NRG3: variants seen among roughly 807,000 people sequenced by gnomAD.
The protein encoded by NRG3 is neuregulin 3.
Under a neutral mutation model 66.9 loss-of-function variants are expected in NRG3, and 31 were observed. That is an observed-to-expected ratio of 0.46 (90% confidence interval 0.35 to 0.63). The LOEUF (loss-of-function observed/expected upper bound fraction) is 0.63, where lower values mean the gene tolerates loss of function less well. Among genes scored for constraint, NRG3 ranks in the 20% least tolerant of loss-of-function variants. NRG3 has a pLI of 0.00. For missense variants in NRG3, 910 were observed against 878.9 expected (o/e 1.04, Z -0.45); for synonymous variants, 393 against 359.4 (o/e 1.09, Z -1.06).
intron 3 of NRG3, among the ~76,000 whole-genome samples, chr10:82,812,345 T>C (rs1477339525): frequency 1.3e-5 from 2 of 152,230 alleles, no homozygotes. Context: ...TTTTTTGTTT[T>C]GTTTTTCTTT....
chr10:82,036,771 A>C (rs1019906065), intron 1 of NRG3, among the ~76,000 whole-genome samples: 1 of 152,068 alleles, frequency 6.6e-6, no homozygotes. Context: ...CTTTACATCT[A>C]TAACTAAATT....
At chr10:82,502,823 A>G (rs1202620352) in intron 2 of NRG3, among the ~76,000 whole-genome samples, 1 of 152,210 alleles carries the variant, frequency 6.6e-6, no homozygotes, top group African/African-American at 2.4e-5. Context: ...TCTGTGGAGA[A>G]ACTACTTTTC....
At chr10:81,881,708 T>C (rs892932237) in intron 1 of NRG3, among the ~76,000 whole-genome samples, 7 of 152,234 alleles carry the variant, frequency 4.6e-5, no homozygotes, top group African/African-American at 1.4e-4. Context: ...ATAAAACTTT[T>C]AATCACTACA....
At chr10:81,962,315 C>T (rs1398133962) in intron 1 of NRG3, among the ~76,000 whole-genome samples, 1 of 152,162 alleles carries the variant, frequency 6.6e-6, no homozygotes, top group Non-Finnish European at 1.5e-5. Flanking sequence ...AGCCAGTCAA[C>T]ACATTTAGGG....
intron 1 of NRG3, among the ~76,000 whole-genome samples, chr10:82,282,805 G>C (rs563359893): frequency 2.0e-5 from 3 of 152,216 alleles, no homozygotes; most frequent in African/African-American, 7.2e-5. Flanking sequence ...TTTTCCACTA[G>C]CACCTCCACA....
chr10:81,951,020 C>A (rs1849301818), intron 1 of NRG3, among the ~76,000 whole-genome samples: 1 of 152,050 alleles, frequency 6.6e-6, no homozygotes, highest in African/African-American at 2.4e-5. Flanking sequence ...ACAAAACAAT[C>A]GAATATCTGG....
intron 1 of NRG3, among the ~76,000 whole-genome samples, chr10:82,124,740 AAAAG>A (rs2068318411): frequency 6.6e-6 from 1 of 151,966 alleles, no homozygotes; most frequent in Non-Finnish European, 1.5e-5. Context: ...AAAAAAAAAA[AAAAG>A]TTTAACAAGT....
intron 2 of NRG3, among the ~76,000 whole-genome samples, chr10:82,510,383 A>G (rs1233142599): frequency 6.6e-6 from 1 of 152,128 alleles, no homozygotes; most frequent in East Asian, 1.9e-4. Flanking sequence ...TCCATGGAAG[A>G]AGGGCTCTGC....
Position 82,601,860 on chromosome 10 carries a change from T to A in NRG3, c.954-136717T>A, listed in dbSNP as rs553316401. ...CAACCATCTCTGCTAAAAAAAAAAA[T>A]TATTTATATATATATAACTATATAT... On this transcript the variant is annotated intron_variant, in intron 2 of 8. Transcript: ENST00000372141. Among the ~76,000 whole-genome samples the A allele has an allele frequency of 1.8e-4, 26 of 146,498 alleles. 1 individual carries two copies. The highest frequency in any genetic ancestry group is 5.7e-4 in the African/African-American group (23 of 40,312).
chr10:82,841,133 C>A (rs145005175), intron 3 of NRG3, among the ~76,000 whole-genome samples: 142 of 152,058 alleles, frequency 9.3e-4, no homozygotes, highest in African/African-American at 3.3e-3. Flanking sequence ...AGTTATGCTG[C>A]CAAAAGCCCA....
In NRG3 at chr10:82,723,098, A is replaced by G. The variant is rs537028510; in HGVS notation, c.954-15479A>G. 4.6e-5 allele frequency among the ~76,000 whole-genome samples: 7 copies of G among 152,368 alleles called. No individual in the cohort carries two copies. The East Asian group carries it at 1.3e-3, about 29-fold the overall frequency. The stretch of plus-strand genomic sequence containing the variant: ...GTGCTGATCAACAGTGGATTGGATA[A>G]GAAAAATGAGGTAATATACATCATG... On this transcript the variant is annotated intron_variant, in intron 2 of 8. Transcript: ENST00000372141.
chr10:82,244,247 A>G (rs1242271887), intron 1 of NRG3, among the ~76,000 whole-genome samples: 1 of 152,132 alleles, frequency 6.6e-6, no homozygotes, highest in Non-Finnish European at 1.5e-5. Flanking sequence ...GTTTTATCTG[A>G]AGCTCAGATA....
At chr10:82,488,575 T>A (rs981124842) in intron 2 of NRG3, among the ~76,000 whole-genome samples, 4 of 152,194 alleles carry the variant, frequency 2.6e-5, no homozygotes, top group Non-Finnish European at 5.9e-5. Context: ...ATAACTACAA[T>A]CTCCACTGAG....
chr10:82,833,651 T>C (rs2062638286), intron 3 of NRG3, among the ~76,000 whole-genome samples: 1 of 152,128 alleles, frequency 6.6e-6, no homozygotes, highest in Non-Finnish European at 1.5e-5. Flanking sequence ...AAGACCAAGG[T>C]CTCCTAGCCT....
At chr10:82,257,190 A>G (rs2077776591) in intron 1 of NRG3, among the ~76,000 whole-genome samples, 2 of 152,210 alleles carry the variant, frequency 1.3e-5, no homozygotes, top group Non-Finnish European at 2.9e-5. Context: ...TGAAAGAGTC[A>G]ATCAGTCCAA....
chr10:82,013,615 C>T (rs72819809), intron 1 of NRG3, among the ~76,000 whole-genome samples: 8,658 of 151,898 alleles, frequency 0.057, 338 homozygotes, highest in East Asian at 0.15. Context: ...AATTCAACGT[C>T]GTATGTTTTT....
At chr10:82,407,101 A>G (rs2136108208) in intron 2 of NRG3, among the ~76,000 whole-genome samples, 1 of 55,066 alleles carries the variant, frequency 1.8e-5, no homozygotes, top group South Asian at 4.2e-4. Context: ...TTTTTTTTCC[A>G]GTGTCTTTTA....
At chr10:81,983,041 G>A (rs115236127) in intron 1 of NRG3, among the ~76,000 whole-genome samples, 2,152 of 152,214 alleles carry the variant, frequency 0.014, 49 homozygotes, top group African/African-American at 0.049. Flanking sequence ...GAGTCAGGAG[G>A]GCTATGTAGA....
chr10:82,377,609 T>C (rs2085337467), intron 2 of NRG3, among the ~76,000 whole-genome samples: 1 of 152,140 alleles, frequency 6.6e-6, no homozygotes, highest in African/African-American at 2.4e-5. Context: ...GCAGTGACCT[T>C]ATTGAGATCA....
Sources: gnomAD v4.1 joint callset for allele counts (sites outside exome capture counted in the v4.1 genomes callset) on GRCh38, gnomAD v4.1.1 for gene constraint, MANE v1.5 for transcripts, NCBI Gene and HGNC (gene_info 2026-07-23, HGNC 2026-07-21) for gene names.